Variants in UPB1 observed in about 807,000 individuals in gnomAD.
UPB1 encodes the protein beta-ureidopropionase.
Under a neutral mutation model 49.1 loss-of-function variants are expected in UPB1, and 40 were observed. That is an observed-to-expected ratio of 0.81 (90% CI 0.63 to 1.06). UPB1 has a LOEUF of 1.06. Among genes scored for constraint, UPB1 ranks in the 50% least tolerant of loss-of-function variants. The pLI is 0.00. For missense variants in UPB1, 499 were observed against 505.9 expected (o/e 0.99, Z 0.13); for synonymous variants, 207 against 198.2 (o/e 1.04, Z -0.38).
intron 4 of UPB1, 146 bp downstream of exon 4, chr22:24,510,989 C>A: frequency 1.3e-6 from 1 of 783,596 alleles, no homozygotes; most frequent in Non-Finnish European, 2.1e-6. Flanking sequence ...ATAAGACTAT[C>A]TGCCACTTTT....
chr22:24,518,819 C>T (rs925132674), intron 6 of UPB1, among the ~76,000 whole-genome samples: 1 of 152,174 alleles, frequency 6.6e-6, no homozygotes, highest in Admixed American at 6.5e-5. Context: ...AGTCACCATC[C>T]TATCCTCTTG....
chr22:24,510,979 A>G (rs929843360), intron 4 of UPB1, 136 bp downstream of exon 4: 5 of 889,882 alleles, frequency 5.6e-6, no homozygotes, highest in African/African-American at 3.6e-5. Flanking sequence ...ATAAGATTAG[A>G]TAAGACTATC....
Position 24,502,819 on chromosome 22 carries a change from T to C in UPB1, c.364+606T>C, listed in dbSNP as rs567959400. Reference sequence around the variant, plus strand: ...CTATGGAAGATGTCAGTGTTAGCCCTTTCTTGCCTCCTCCTGGCCCTTCGA... The same window carrying C: ...CTATGGAAGATGTCAGTGTTAGCCCCTTCTTGCCTCCTCCTGGCCCTTCGA... On this transcript the variant is annotated intron_variant, in intron 3 of 9. Coordinates refer to ENST00000326010, the MANE Select transcript of UPB1 (RefSeq NM_016327.3). 2.0e-4 allele frequency: 81 copies of C among 397,094 alleles called. 2 individuals are homozygous for C. The South Asian group carries it at 2.9e-3, about 14-fold the overall frequency. 24.6% of individuals were successfully genotyped at this position (397,094 alleles called of 1,614,324 possible). A position where few individuals can be genotyped will look rare whatever the true frequency, so the allele number is the denominator to read the frequency against.
At chr22:24,505,741 C>G (rs1350679268) in intron 3 of UPB1, among the ~76,000 whole-genome samples, 1 of 152,020 alleles carries the variant, frequency 6.6e-6, no homozygotes, top group East Asian at 1.9e-4. Context: ...GAGGTGGAGT[C>G]TTGGTCTGTC....
intron 4 of UPB1, among the ~76,000 whole-genome samples, chr22:24,511,339 A>G (rs1374647720): frequency 6.6e-6 from 1 of 152,184 alleles, no homozygotes; most frequent in African/African-American, 2.4e-5. Context: ...AGGCAAATCC[A>G]TAGAGACAGA....
At chr22:24,512,658 A>T (rs184578316) in intron 4 of UPB1, among the ~76,000 whole-genome samples, 63 of 152,214 alleles carry the variant, frequency 4.1e-4, no homozygotes, top group African/African-American at 1.4e-3. Context: ...TGCAAATCTG[A>T]CTCTGTCCCA....
Position 24,495,449 on chromosome 22 carries a change from CA to C in UPB1, c.47del (p.His16ProfsTer10), listed in dbSNP as rs1458458354. ...GTCGCTGGAGGAATGCTTGGAGAAG[CA>C]CCTGCCGCTCCCCGACTTGCAGGAA... ...WKSLEECLEK[H>X]LPLPDLQEVK... On this transcript the variant is annotated frameshift_variant, in exon 1 of 10. Transcript: ENST00000326010. LOFTEE classifies it high-confidence loss of function. 39 of 1,613,734 alleles carry C rather than the reference CA, an allele frequency of 2.4e-5. No homozygotes were observed. The highest frequency in any genetic ancestry group is 2.8e-5 in the Non-Finnish European group (33 of 1,180,038).
rs1601502464 is a variant in UPB1 at position 24,513,611 on chromosome 22, G to A, written c.621+126G>A. 16 of 1,336,942 alleles carry A rather than the reference G, an allele frequency of 1.2e-5. No individual in the cohort carries two copies. The East Asian group carries it at 3.3e-4, about 27-fold the overall frequency. 82.8% of individuals were successfully genotyped at this position (1,336,942 alleles called of 1,614,324 possible). On this transcript the variant is annotated intron_variant, in intron 5 of 9. Transcript: ENST00000326010. Reference sequence around the variant, plus strand: ...ATACTCCATGTCACGTACACTCCACGGGAGCACAGTGTGGCTGCAGTGCTC... The same window carrying A: ...ATACTCCATGTCACGTACACTCCACAGGAGCACAGTGTGGCTGCAGTGCTC...
rs5844594 is a variant in UPB1, at chr22:24,527,356, C to CA, written c.*1573dup. The CA allele has an allele frequency of 1.9e-3, 275 of 142,750 alleles. 2 individuals carry two copies. The highest frequency in any genetic ancestry group is 0.012 in the South Asian group (57 of 4,602). The allele number at this position is 142,750 out of a possible 1,614,324, so 8.8% of individuals were successfully genotyped here. A position where few individuals can be genotyped will look rare whatever the true frequency, so the allele number is the denominator to read the frequency against. ...GGACAACAGAGTGAGAGCCTATCTCCAAAAAAAAAAAGGGGTGGGGACCAT... is the reference window on the plus strand; with the variant it reads ...GGACAACAGAGTGAGAGCCTATCTCCAAAAAAAAAAAAGGGGTGGGGACCAT... On this transcript the variant is annotated 3_prime_UTR_variant, in exon 10 of 10. Transcript: ENST00000326010.
intron 1 of UPB1, among the ~76,000 whole-genome samples, chr22:24,498,624 G>A (rs556418728): frequency 1.2e-3 from 176 of 152,266 alleles, no homozygotes; most frequent in Middle Eastern, 3.4e-3. Flanking sequence ...CTGGCTAGGC[G>A]GAGGCATCAC....
At chr22:24,508,253 T>A (rs1465110358) in intron 3 of UPB1, among the ~76,000 whole-genome samples, 1 of 152,088 alleles carries the variant, frequency 6.6e-6, no homozygotes, top group Non-Finnish European at 1.5e-5. Context: ...GTTAGGCTAA[T>A]CCCTCTAAAA....
chr22:24,506,749 T>C (rs2044098693), intron 3 of UPB1, among the ~76,000 whole-genome samples: 1 of 152,244 alleles, frequency 6.6e-6, no homozygotes, highest in African/African-American at 2.4e-5. Flanking sequence ...CTGTTTCATC[T>C]TTAGTGGCAA....
rs142245378 is a variant in UPB1 at position 24,526,386 on chromosome 22, A to G, written c.*592A>G. The G allele has an allele frequency of 7.4e-5, 13 of 175,480 alleles. No homozygotes were observed. In the East Asian group the frequency reaches 1.9e-3, roughly 26 times the overall value. 10.9% of individuals were successfully genotyped at this position (175,480 alleles called of 1,614,324 possible). On this transcript the variant is annotated 3_prime_UTR_variant, in exon 10 of 10. Coordinates refer to ENST00000326010, the MANE Select transcript of UPB1 (RefSeq NM_016327.3). Reference sequence around the variant, plus strand: ...AGATAATCTGGGTCAGCCTGACCTGATTAGTCAGAAGGCCTAAAGAACAGA... The same window carrying G: ...AGATAATCTGGGTCAGCCTGACCTGGTTAGTCAGAAGGCCTAAAGAACAGA...
chr22:24,522,111 C>G (rs1464982797), intron 8 of UPB1, 83 bp downstream of exon 8: 2 of 1,513,522 alleles, frequency 1.3e-6, no homozygotes, highest in African/African-American at 2.7e-5. Flanking sequence ...CAGTCAGGAT[C>G]TGCCACACAG....
intron 3 of UPB1, among the ~76,000 whole-genome samples, chr22:24,508,511 A>T (rs1477436468): frequency 1.3e-5 from 2 of 151,864 alleles, no homozygotes; most frequent in East Asian, 1.9e-4. Flanking sequence ...ATGAGCCAAG[A>T]TCGTGCCACT....
intron 3 of UPB1, among the ~76,000 whole-genome samples, chr22:24,508,121 G>C (rs186790513): frequency 4.7e-4 from 71 of 152,240 alleles, no homozygotes; most frequent in African/African-American, 1.6e-3. Flanking sequence ...AATTCTAAAG[G>C]GGTCTTAAGG....
chr22:24,496,121 C>A, intron 1 of UPB1, among the ~76,000 whole-genome samples: 1 of 152,090 alleles, frequency 6.6e-6, no homozygotes, highest in Non-Finnish European at 1.5e-5. Context: ...GTAATCTCAG[C>A]ACTTTGGGAG....
chr22:24,501,549 C>T (rs2043994718), intron 2 of UPB1, among the ~76,000 whole-genome samples: 1 of 152,196 alleles, frequency 6.6e-6, no homozygotes. Flanking sequence ...TGAGAGCCTG[C>T]AGAGGCCCAC....
At chr22:24,524,271 C>T (rs1354514098) in intron 9 of UPB1, among the ~76,000 whole-genome samples, 7 of 152,150 alleles carry the variant, frequency 4.6e-5, no homozygotes, top group Non-Finnish European at 1.0e-4. Context: ...CTTGTGCTCC[C>T]AAGCCTTAGT....
Sources: allele counts gnomAD v4.1 joint callset (sites outside exome capture counted in the v4.1 genomes callset), GRCh38; gene constraint gnomAD v4.1.1; transcripts MANE v1.5; gene names NCBI Gene and HGNC (gene_info 2026-07-23, HGNC 2026-07-21).